SLC38A6: variants seen among roughly 807,000 people sequenced by gnomAD.
The protein encoded by SLC38A6 is N system amino acid transporter NAT-1.
A neutral mutation model predicts 65.0 loss-of-function variants in SLC38A6; 73 were observed. The observed-to-expected ratio is 1.12, with a 90% CI of 0.93 to 1.37. The LOEUF (loss-of-function observed/expected upper bound fraction) is 1.37, where lower values mean the gene tolerates loss of function less well. SLC38A6 is among the 40% of genes most tolerant of loss of function. The pLI is 0.00. For missense variants in SLC38A6, 561 were observed against 531.1 expected (o/e 1.06, Z -0.55); for synonymous variants, 183 against 178.8 (o/e 1.02, Z -0.19).
chr14:61,065,251 G>A (rs896971172), intron 15 of SLC38A6, among the ~76,000 whole-genome samples: 1 of 152,174 alleles, frequency 6.6e-6, no homozygotes, highest in African/African-American at 2.4e-5. Flanking sequence ...TTGACGGGTA[G>A]CACGTTACTG....
At chr14:61,081,810 A>G (rs917066484) in intron 16 of SLC38A6, among the ~76,000 whole-genome samples, 1 of 152,214 alleles carries the variant, frequency 6.6e-6, no homozygotes, top group Non-Finnish European at 1.5e-5. Flanking sequence ...ACAGATGACA[A>G]GACAGGTTCA....
Position 61,052,572 on chromosome 14 carries a change from G to C in SLC38A6, c.*143G>C. The C allele has an allele frequency of 8.3e-7, 1 of 1,200,422 alleles. No individual in the cohort carries two copies. Among genetic ancestry groups the C allele is most frequent in the Non-Finnish European group, 1.1e-6 (1 of 919,734 alleles). 74.4% of individuals were successfully genotyped at this position (1,200,422 alleles called of 1,614,324 possible). ...CAGAACAAAATGGCAGTGGGTATGG[G>C]GAAGTAAGAGTGTGGCAGTTTTAAT... On this transcript the variant is annotated 3_prime_UTR_variant, in exon 16 of 16. Transcript: ENST00000267488.
At chr14:61,008,621 T>C (rs2039328293) in intron 3 of SLC38A6, among the ~76,000 whole-genome samples, 1 of 152,190 alleles carries the variant, frequency 6.6e-6, no homozygotes, top group African/African-American at 2.4e-5. Context: ...AACATAAAGC[T>C]ATATGATCTA....
intron 15 of SLC38A6, among the ~76,000 whole-genome samples, chr14:61,077,879 T>A (rs1274427893): frequency 1.3e-5 from 2 of 152,238 alleles, no homozygotes; most frequent in Non-Finnish European, 2.9e-5. Flanking sequence ...GTAATTTGCT[T>A]TTAATAAATC....
intron 3 of SLC38A6, among the ~76,000 whole-genome samples, chr14:60,986,787 T>C (rs1183004643): frequency 2.6e-5 from 4 of 152,274 alleles, no homozygotes; most frequent in Admixed American, 6.5e-5. Flanking sequence ...AATACTTTAG[T>C]CAACTATGTG....
chr14:60,994,325 C>G (rs1016273817), intron 3 of SLC38A6, among the ~76,000 whole-genome samples: 1 of 152,148 alleles, frequency 6.6e-6, no homozygotes, highest in Non-Finnish European at 1.5e-5. Context: ...GCGGGCGGAT[C>G]ACCTGAGGTT....
At chr14:61,019,384 A>G (rs1460636189) in intron 4 of SLC38A6, among the ~76,000 whole-genome samples, 157 bp from the exon 5 acceptor site, 2 of 152,160 alleles carry the variant, frequency 1.3e-5, no homozygotes, top group African/African-American at 4.8e-5. Context: ...ATGATTATTA[A>G]TTTTATGTAT....
chr14:61,007,365 C>T (rs990513899), intron 3 of SLC38A6, among the ~76,000 whole-genome samples: 1 of 151,952 alleles, frequency 6.6e-6, no homozygotes, highest in Non-Finnish European at 1.5e-5. Flanking sequence ...TGCAGTGGCT[C>T]ACACCAGTAA....
intron 15 of SLC38A6, among the ~76,000 whole-genome samples, chr14:61,070,420 T>C (rs1354289568): frequency 6.6e-6 from 1 of 152,240 alleles, no homozygotes; most frequent in African/African-American, 2.4e-5. Flanking sequence ...AATATTCCAT[T>C]GTATGTGTAT....
At chr14:60,981,430 C>G in intron 1 of SLC38A6, 48 bp downstream of exon 1, 2 of 1,551,436 alleles carry the variant, frequency 1.3e-6, no homozygotes, top group East Asian at 2.4e-5. Context: ...TCCGGCTTCC[C>G]TCAAGTGCCT....
At chr14:61,043,050 A>G in intron 8 of SLC38A6, 97 bp from the exon 9 acceptor site, 1 of 749,940 alleles carries the variant, frequency 1.3e-6, no homozygotes, top group East Asian at 2.9e-5. Flanking sequence ...TTCTATTAGC[A>G]TCTTATTTAA....
At chr14:61,052,162 A>G in intron 15 of SLC38A6, 27 bp downstream of exon 15, 1 of 1,496,120 alleles carries the variant, frequency 6.7e-7, no homozygotes, top group Non-Finnish European at 9.0e-7. Context: ...TCTTTCTTTC[A>G]AGACTTCTAT....
chr14:61,002,372 CAAG>C (rs149524487), intron 3 of SLC38A6: 2 of 152,048 alleles, frequency 1.3e-5, no homozygotes, highest in East Asian at 3.9e-4. Flanking sequence ...ATAGAAAACA[CAAG>C]AAAGACAAGA....
Position 60,982,593 on chromosome 14 carries a change from T to G in SLC38A6, c.191T>G (p.Leu64Arg), listed in dbSNP as rs2037142198. 1 of 1,613,936 alleles carries G rather than the reference T, an allele frequency of 6.2e-7. No individual in the cohort carries two copies. The highest frequency in any genetic ancestry group is 8.5e-7 in the Non-Finnish European group (1 of 1,180,016). ...AATGCCATCATGGGAAGTGGCATCCTTGGCTTAGCTTATGTTTTGGCTAAT... is the reference window on the plus strand; with the variant it reads ...AATGCCATCATGGGAAGTGGCATCCGTGGCTTAGCTTATGTTTTGGCTAAT... ...LMNAIMGSGI[L>R]GLAYVLANTG... The change falls in exon 2 of 16, where the codon CTT (leucine) becomes CGT (arginine). Residue 64 changes from leucine (L) to arginine (R), a missense_variant. Transcript: ENST00000267488.
At chr14:61,078,048 C>A (rs920216080) in intron 15 of SLC38A6, among the ~76,000 whole-genome samples, 1 of 152,174 alleles carries the variant, frequency 6.6e-6, no homozygotes, top group South Asian at 2.1e-4. Context: ...CTGGAACTTA[C>A]AATCCAATGG....
intron 6 of SLC38A6, among the ~76,000 whole-genome samples, chr14:61,036,701 A>G (rs868177407): frequency 1.3e-5 from 2 of 152,158 alleles, no homozygotes; most frequent in East Asian, 1.9e-4. Context: ...CTTTATATCT[A>G]TTGCCAAATT....
At chr14:60,989,249 A>G (rs959713366) in intron 3 of SLC38A6, among the ~76,000 whole-genome samples, 2 of 151,994 alleles carry the variant, frequency 1.3e-5, no homozygotes, top group East Asian at 1.9e-4. Context: ...CTATGATCCC[A>G]CCTGCTCTTG....
At chr14:61,010,864 G>A (rs767685235) in intron 3 of SLC38A6, among the ~76,000 whole-genome samples, 22 of 152,096 alleles carry the variant, frequency 1.4e-4, no homozygotes, top group Non-Finnish European at 3.1e-4. Context: ...TTGGCAATGC[G>A]GGCTCTTTTT....
At position 61,015,906 on chromosome 14, in the gene SLC38A6, G is replaced by A. The variant is rs2039977258; in HGVS notation, c.313G>A (p.Val105Ile). The A allele has an allele frequency of 6.2e-7, 1 of 1,606,342 alleles. No homozygotes were observed. The highest frequency in any genetic ancestry group is 8.5e-7 in the Non-Finnish European group (1 of 1,177,930). Residue 105 changes from valine (V) to isoleucine (I), a missense_variant and splice_region_variant, in exon 4 of 16, where the codon GTA becomes ATA. Transcript: ENST00000267488. Reference protein sequence around the residue: ...LLLSMCIQTAVTSYEDLGLFA... With the variant: ...LLLSMCIQTAITSYEDLGLFA... ...AACATTGTAATTTCTCTTAACAGCT[G>A]TAACATCTTATGAAGATCTTGGACT...
Sources: allele counts gnomAD v4.1 joint callset (sites outside exome capture counted in the v4.1 genomes callset), GRCh38; gene constraint gnomAD v4.1.1; transcripts MANE v1.5; gene names NCBI Gene and HGNC (gene_info 2026-07-23, HGNC 2026-07-21).